ADARB1: variants seen among roughly 807,000 people sequenced by gnomAD.
ADARB1 encodes adenosine deaminase RNA specific B1, also known as double-stranded RNA-specific editase 1.
A neutral mutation model predicts 52.4 loss-of-function variants in ADARB1; 10 were observed. The observed-to-expected ratio is 0.19, with a 90% CI of 0.12 to 0.32. ADARB1 has a LOEUF of 0.32. Ranked by LOEUF, ADARB1 falls within the 10% of genes least tolerant of loss-of-function variation. ADARB1 has a pLI of 1.00. For missense variants in ADARB1, 643 were observed against 922.3 expected (o/e 0.70, Z 3.92); for synonymous variants, 349 against 371.1 (o/e 0.94, Z 0.68).
intron 2 of ADARB1, among the ~76,000 whole-genome samples, chr21:45,159,058 T>C (rs2090822708): frequency 6.6e-6 from 1 of 152,172 alleles, no homozygotes; most frequent in South Asian, 2.1e-4. Context: ...AGATACAAAA[T>C]AAACTTTATG....
In ADARB1 at chr21:45,093,186, C is replaced by T. The variant is rs541084830; in HGVS notation, c.-220+18393C>T. Among the ~76,000 whole-genome samples the T allele has an allele frequency of 3.5e-4, 53 of 152,338 alleles. No homozygotes were observed. In the South Asian group the frequency reaches 9.1e-3, roughly 26 times the overall value. On this transcript the variant is annotated intron_variant, in intron 1 of 10. Coordinates refer to ENST00000348831, the MANE Select transcript of ADARB1 (RefSeq NM_001112.4). ...ATTCTGTGCCTGGACCTCGCCCCAC[C>T]GGCACTTGGCTTCAGGAACTGGACT...
intron 9 of ADARB1, among the ~76,000 whole-genome samples, chr21:45,205,241 A>G (rs914437156): frequency 2.0e-5 from 3 of 152,072 alleles, no homozygotes; most frequent in Admixed American, 6.6e-5. Flanking sequence ...AGCCTGGACA[A>G]CAGAGTGAGA....
chr21:45,176,925 T>A lies in ADARB1; in HGVS notation c.963+261T>A. 2.1e-6 allele frequency: 1 copy of A among 476,938 alleles called. No individual in the cohort carries two copies. Among genetic ancestry groups the A allele is most frequent in the Non-Finnish European group, 3.7e-6 (1 of 270,980 alleles). The allele number at this position is 476,938 out of a possible 1,614,324, so 29.5% of individuals were successfully genotyped here. A position where few individuals can be genotyped will look rare whatever the true frequency, so the allele number is the denominator to read the frequency against. ...AGACCCCGTCCACCAGAGCAGTGTTTACAACACTATCCATAACTCCCTTCC... is the reference window on the plus strand; with the variant it reads ...AGACCCCGTCCACCAGAGCAGTGTTAACAACACTATCCATAACTCCCTTCC... On this transcript the variant is annotated intron_variant, in intron 4 of 10. Transcript: ENST00000348831. This position sits in a 1 kb window ranked among gnomAD's most constrained non-coding sequence, Gnocchi z 5.8.
At chr21:45,210,750 C>T (rs2092752428) in intron 9 of ADARB1, among the ~76,000 whole-genome samples, 2 of 152,228 alleles carry the variant, frequency 1.3e-5, no homozygotes, top group South Asian at 4.1e-4. Context: ...TTTCACCACC[C>T]CAAGCCTTGC....
chr21:45,083,705 G>GT (rs1471786505), intron 1 of ADARB1, among the ~76,000 whole-genome samples: 4 of 151,896 alleles, frequency 2.6e-5, no homozygotes, highest in Non-Finnish European at 4.4e-5. Context: ...CATCTTTTTT[G>GT]TTTTTTTGCG....
intron 1 of ADARB1, among the ~76,000 whole-genome samples, chr21:45,096,412 G>A (rs1322559702): frequency 4.6e-5 from 7 of 152,216 alleles, no homozygotes; most frequent in Non-Finnish European, 8.8e-5. Context: ...AGCTGTGCCG[G>A]CCCTGCCTGT....
In ADARB1 at chr21:45,176,960, A is replaced by C; in HGVS notation, c.963+296A>C. On this transcript the variant is annotated intron_variant, in intron 4 of 10. Transcript: ENST00000348831. The surrounding 1 kb of genome is among the most constrained non-coding windows in gnomAD (Gnocchi z 5.8). ...TCCATAACTCCCTTCCCGTTAGGCAACCCCCCCCATGACCCTCATCCCACA... is the reference window on the plus strand; with the variant it reads ...TCCATAACTCCCTTCCCGTTAGGCACCCCCCCCCATGACCCTCATCCCACA... 1 of 293,298 alleles carries C rather than the reference A, an allele frequency of 3.4e-6. No individual in the cohort carries two copies. The highest frequency in any genetic ancestry group is 6.3e-6 in the Non-Finnish European group (1 of 157,552). 18.2% of individuals were successfully genotyped at this position (293,298 alleles called of 1,614,324 possible).
At chr21:45,214,099 T>C (rs1434994946) in intron 9 of ADARB1, among the ~76,000 whole-genome samples, 5 of 152,242 alleles carry the variant, frequency 3.3e-5, no homozygotes, top group African/African-American at 1.2e-4. Flanking sequence ...TTTAGTGATA[T>C]TCCATTGTGC....
At chr21:45,158,708 CT>C in intron 2 of ADARB1, among the ~76,000 whole-genome samples, 1 of 152,308 alleles carries the variant, frequency 6.6e-6, no homozygotes, top group Non-Finnish European at 1.5e-5. Flanking sequence ...TGTCCCTCTG[CT>C]TAGCAGCTAT....
At chr21:45,098,672 A>G (rs958388927) in intron 1 of ADARB1, among the ~76,000 whole-genome samples, 9 of 152,200 alleles carry the variant, frequency 5.9e-5, no homozygotes, top group Admixed American at 2.0e-4. Context: ...CGTGAGGATT[A>G]CATGATTAGG....
At chr21:45,171,761 C>T in intron 3 of ADARB1, 77 bp downstream of exon 3, 1 of 1,351,722 alleles carries the variant, frequency 7.4e-7, no homozygotes, top group Admixed American at 2.0e-5. Context: ...AAATGTATTT[C>T]ATGAGACCAG....
intron 2 of ADARB1, among the ~76,000 whole-genome samples, chr21:45,155,526 A>G (rs2090512109): frequency 6.6e-6 from 1 of 151,920 alleles, no homozygotes; most frequent in Admixed American, 6.6e-5. Context: ...TAGTCCATCC[A>G]TCTGTCCGTC....
At chr21:45,169,617 G>C (rs2091401180) in intron 2 of ADARB1, among the ~76,000 whole-genome samples, 1 of 152,156 alleles carries the variant, frequency 6.6e-6, no homozygotes, top group African/African-American at 2.4e-5. Context: ...AGGATTTTTA[G>C]TTGTATTTAA....
At chr21:45,080,062 C>T (rs765418838) in intron 1 of ADARB1, among the ~76,000 whole-genome samples, 55 of 152,250 alleles carry the variant, frequency 3.6e-4, no homozygotes, top group Admixed American at 4.6e-4. Context: ...TCTTATTCTT[C>T]GTGGGCTGGA....
chr21:45,132,370 T>G (rs921187142), intron 2 of ADARB1: 1 of 152,258 alleles, frequency 6.6e-6, no homozygotes, highest in African/African-American at 2.4e-5. Flanking sequence ...CAGTAGCCTC[T>G]GTCATTCCAG....
At chr21:45,155,153 G>T (rs1484959746) in intron 2 of ADARB1, among the ~76,000 whole-genome samples, 1 of 152,208 alleles carries the variant, frequency 6.6e-6, no homozygotes, top group Non-Finnish European at 1.5e-5. Context: ...TCTGGCAGCA[G>T]TTCTGAACTG....
chr21:45,197,536 T>C (rs145477982), intron 8 of ADARB1, among the ~76,000 whole-genome samples: 130 of 151,348 alleles, frequency 8.6e-4, no homozygotes, highest in Non-Finnish European at 3.5e-4. Context: ...ATGCCTGCCA[T>C]GTAGCCTAGC....
chr21:45,148,714 G>A (rs1015379555), intron 2 of ADARB1, among the ~76,000 whole-genome samples: 4 of 152,152 alleles, frequency 2.6e-5, no homozygotes, highest in African/African-American at 4.8e-5. Flanking sequence ...AGATGCATTC[G>A]CCAGCAGCTG....
chr21:45,130,383 T>C (rs776534774), intron 2 of ADARB1, among the ~76,000 whole-genome samples: 5 of 152,222 alleles, frequency 3.3e-5, no homozygotes, highest in Non-Finnish European at 5.9e-5. Flanking sequence ...ATCTAAAGCA[T>C]GTGCTGAGAA....
Sources: allele counts gnomAD v4.1 joint callset (sites outside exome capture counted in the v4.1 genomes callset), GRCh38; gene constraint gnomAD v4.1.1; non-coding constraint Gnocchi (gnomAD v3.1); transcripts MANE v1.5; gene names NCBI Gene and HGNC (gene_info 2026-07-23, HGNC 2026-07-21).